The following IFT56 variants were observed in gnomAD, a reference collection of about 807,000 sequenced individuals.
IFT56 encodes the protein intraflagellar transport protein 56.
chr7:139,173,390 G>A, the IFT56 span: 14 of 501,874 alleles, frequency 2.8e-5, no homozygotes, highest in South Asian at 1.7e-4. Flanking sequence ...CACCATGCCC[G>A]GCTAATTTTT....
chr7:139,152,678 C>T, the IFT56 span, among the ~76,000 whole-genome samples: 6 of 152,136 alleles, frequency 3.9e-5, no homozygotes, highest in Non-Finnish European at 8.8e-5. Flanking sequence ...TTCATTCTAA[C>T]GTAGATATGA....
the IFT56 span, chr7:139,146,866 T>G: frequency 3.7e-6 from 2 of 541,612 alleles, no homozygotes; most frequent in South Asian, 2.5e-5. Context: ...AGGGAGAAAA[T>G]ATAAAGAAAA....
chr7:139,172,554 C>A, the IFT56 span: 1 of 537,818 alleles, frequency 1.9e-6, no homozygotes, highest in South Asian at 1.5e-5. Flanking sequence ...TAATGCACCT[C>A]ACAGGCAGCG....
the IFT56 span, among the ~76,000 whole-genome samples, chr7:139,148,817 G>C: frequency 0.016 from 2,463 of 151,086 alleles, 77 homozygotes; most frequent in African/African-American, 0.056. Context: ...GCTACTGGGG[G>C]GTTCGGGGGG....
the IFT56 span, among the ~76,000 whole-genome samples, chr7:139,181,963 G>A: frequency 3.3e-5 from 5 of 152,184 alleles, no homozygotes; most frequent in African/African-American, 1.2e-4. Context: ...AATGTAAAGT[G>A]AGAAGAGGTG....
At chr7:139,152,314 A>G in the IFT56 span, among the ~76,000 whole-genome samples, 1 of 152,130 alleles carries the variant, frequency 6.6e-6, no homozygotes, top group African/African-American at 2.4e-5. Context: ...TTCTGTAGAG[A>G]TGGGGTCTTG....
At chr7:139,181,590 A>C in the IFT56 span, among the ~76,000 whole-genome samples, 1 of 152,200 alleles carries the variant, frequency 6.6e-6, no homozygotes, top group African/African-American at 2.4e-5. Context: ...TATAATGGGG[A>C]TAAGTTCTGA....
At chr7:139,185,219 C>G in the IFT56 span, among the ~76,000 whole-genome samples, 6 of 151,720 alleles carry the variant, frequency 4.0e-5, no homozygotes, top group African/African-American at 1.5e-4. Context: ...AAGAGTAATT[C>G]GGTATCTTGA....
the IFT56 span, chr7:139,147,281 T>C: frequency 6.2e-7 from 1 of 1,607,644 alleles, no homozygotes; most frequent in Non-Finnish European, 8.5e-7. Flanking sequence ...CGAATACTGC[T>C]AGATAACAGG....
chr7:139,190,902 G>T, the IFT56 span: 1 of 152,274 alleles, frequency 6.6e-6, no homozygotes, highest in African/African-American at 2.4e-5. Flanking sequence ...GAAGAGAACT[G>T]AAAGAAAGAA....
chr7:139,148,482 T>G, the IFT56 span: 3 of 1,071,998 alleles, frequency 2.8e-6, no homozygotes, highest in South Asian at 5.0e-5. Flanking sequence ...TTGATTAATA[T>G]CCCTTTATCA....
the IFT56 span, chr7:139,137,955 GT>G: frequency 1.0e-5 from 16 of 1,551,400 alleles, no homozygotes; most frequent in Middle Eastern, 1.7e-4. Flanking sequence ...TGTAAAAAAA[GT>G]TTTTTTCCTA....
the IFT56 span, among the ~76,000 whole-genome samples, chr7:139,177,044 T>C: frequency 6.6e-6 from 1 of 151,796 alleles, no homozygotes; most frequent in Non-Finnish European, 1.5e-5. Flanking sequence ...TGGTGGTGTG[T>C]GCCTGTAATC....
the IFT56 span, among the ~76,000 whole-genome samples, chr7:139,170,873 T>G: frequency 1.3e-5 from 2 of 152,066 alleles, no homozygotes; most frequent in East Asian, 1.9e-4. Flanking sequence ...GAGAAAGAAA[T>G]AAAGGACATC....
chr7:139,141,229 C>G, the IFT56 span, among the ~76,000 whole-genome samples: 1 of 150,302 alleles, frequency 6.7e-6, no homozygotes, highest in African/African-American at 2.5e-5. Context: ...CCACTGCACT[C>G]CAACCTGGGC....
chr7:139,183,821 A>C, the IFT56 span, among the ~76,000 whole-genome samples: 1 of 152,220 alleles, frequency 6.6e-6, no homozygotes, highest in Admixed American at 6.5e-5. Context: ...TAATAACACA[A>C]ATTTTAATAT....
the IFT56 span, among the ~76,000 whole-genome samples, chr7:139,151,554 C>T: frequency 6.6e-6 from 1 of 152,252 alleles, no homozygotes; most frequent in South Asian, 2.1e-4. Context: ...AATACTTAAC[C>T]TCCTTAAGCA....
chr7:139,141,160 C>T, the IFT56 span, among the ~76,000 whole-genome samples: 1 of 150,446 alleles, frequency 6.6e-6, no homozygotes, highest in Non-Finnish European at 1.5e-5. Context: ...ACTCGGGAGG[C>T]TGAGGCAGGA....
At chr7:139,149,165 C>T in the IFT56 span, among the ~76,000 whole-genome samples, 1 of 151,570 alleles carries the variant, frequency 6.6e-6, no homozygotes, top group South Asian at 2.1e-4. Context: ...ATTAGCTGGG[C>T]GTGGTGGCGG....
Sources: allele counts gnomAD v4.1 joint callset (sites outside exome capture counted in the v4.1 genomes callset), GRCh38; gene constraint gnomAD v4.1.1; transcripts MANE v1.5; gene names NCBI Gene and HGNC (gene_info 2026-07-23, HGNC 2026-07-21).